LTBP1: variants seen among roughly 807,000 people sequenced by gnomAD.
LTBP1 encodes latent-transforming growth factor beta-binding protein 1.
In LTBP1, 129 loss-of-function variants were observed where a neutral mutation model predicts 207.6. The ratio of observed to expected loss-of-function variants is 0.62; its 90% CI spans 0.54 to 0.72. The LOEUF (loss-of-function observed/expected upper bound fraction) is 0.72, where lower values mean the gene tolerates loss of function less well. LTBP1 is among the 30% of genes least tolerant of loss of function. LTBP1 has a pLI of 0.00. For missense variants in LTBP1, 2,281 were observed against 2,217.2 expected, an observed-to-expected ratio of 1.03 and a Z score of -0.58; for synonymous variants, 963 against 833.7, an observed-to-expected ratio of 1.16 and a Z score of -2.67.
chr2:33,074,828 C>T (rs569779987), intron 3 of LTBP1, among the ~76,000 whole-genome samples: 2 of 150,646 alleles, frequency 1.3e-5, no homozygotes, highest in African/African-American at 4.9e-5. Flanking sequence ...CGAGATCGCA[C>T]CACTGCACTC....
chr2:33,030,460 A>T (rs2075641524), intron 3 of LTBP1, among the ~76,000 whole-genome samples: 1 of 152,148 alleles, frequency 6.6e-6, no homozygotes, highest in South Asian at 2.1e-4. Context: ...TGAAGGAGCT[A>T]AAAAAAATTC....
intron 5 of LTBP1, among the ~76,000 whole-genome samples, chr2:33,164,177 C>T (rs368240561): frequency 4.2e-4 from 63 of 151,050 alleles, no homozygotes; most frequent in African/African-American, 1.4e-3. Context: ...GGTGAAACCC[C>T]GTCTCTACTA....
At chr2:33,384,195 A>C (rs1306072469) in intron 31 of LTBP1, among the ~76,000 whole-genome samples, 1 of 152,196 alleles carries the variant, frequency 6.6e-6, no homozygotes, top group Non-Finnish European at 1.5e-5. Flanking sequence ...GATAATTTTT[A>C]AACCTTTTCT....
intron 3 of LTBP1, among the ~76,000 whole-genome samples, chr2:33,075,348 G>A (rs543376571): frequency 1.3e-5 from 2 of 152,070 alleles, no homozygotes; most frequent in East Asian, 3.9e-4. Context: ...TTTTTGGGGG[G>A]CAACATTTTC....
At chr2:32,995,268 A>G (rs1181130299) in intron 2 of LTBP1, among the ~76,000 whole-genome samples, 1 of 152,082 alleles carries the variant, frequency 6.6e-6, no homozygotes, top group Non-Finnish European at 1.5e-5. Context: ...TGGAGATGTT[A>G]TAGGGCAGTG....
intron 2 of LTBP1, among the ~76,000 whole-genome samples, chr2:32,972,128 T>TTTC (rs201880812): frequency 2.3e-4 from 35 of 149,478 alleles, no homozygotes; most frequent in South Asian, 6.3e-4. Context: ...TTTTTTTTTT[T>TTTC]CTGTGGATTC....
chr2:33,309,706 C>T, intron 23 of LTBP1, 150 bp downstream of exon 23: 1 of 872,376 alleles, frequency 1.1e-6, no homozygotes, highest in Non-Finnish European at 1.7e-6. Context: ...CTTGGGTCCA[C>T]ATCAAGTGCA....
At chr2:33,127,113 G>A (rs1375778488) in intron 4 of LTBP1, among the ~76,000 whole-genome samples, 1 of 152,096 alleles carries the variant, frequency 6.6e-6, no homozygotes, top group Non-Finnish European at 1.5e-5. Flanking sequence ...TGAAAGAATT[G>A]GAATCCCTTA....
intron 5 of LTBP1, among the ~76,000 whole-genome samples, chr2:33,144,890 T>C (rs184325085): frequency 9.2e-5 from 14 of 152,276 alleles, no homozygotes; most frequent in African/African-American, 2.9e-4. Flanking sequence ...GAAAGCTTCC[T>C]GGAACTAACA....
At chr2:33,301,855 G>A (rs1170080426) in intron 22 of LTBP1, among the ~76,000 whole-genome samples, 1 of 152,160 alleles carries the variant, frequency 6.6e-6, no homozygotes, top group Non-Finnish European at 1.5e-5. Flanking sequence ...CTGTCTTTTA[G>A]ACTTGTGCCA....
intron 4 of LTBP1, among the ~76,000 whole-genome samples, chr2:33,128,678 C>G (rs1558673470): frequency 1.3e-5 from 2 of 152,190 alleles, no homozygotes; most frequent in East Asian, 3.8e-4. Flanking sequence ...CCCAAAAACC[C>G]AGGGCAAACT....
chr2:32,956,673 C>T (rs1051025461), intron 2 of LTBP1, among the ~76,000 whole-genome samples: 3 of 152,286 alleles, frequency 2.0e-5, no homozygotes, highest in Admixed American at 6.5e-5. Flanking sequence ...AATCTCCTCC[C>T]GTAAATCATG....
intron 3 of LTBP1, among the ~76,000 whole-genome samples, chr2:33,038,105 A>C (rs1354729339): frequency 6.6e-6 from 1 of 152,162 alleles, no homozygotes; most frequent in East Asian, 1.9e-4. Context: ...CTACCCATTC[A>C]GGTTGCTTTT....
chr2:33,132,503 A>T (rs2081872594), intron 4 of LTBP1, among the ~76,000 whole-genome samples: 1 of 152,182 alleles, frequency 6.6e-6, no homozygotes, highest in Non-Finnish European at 1.5e-5. Flanking sequence ...GTTGAATAGG[A>T]ATAGAGTCCT....
At chr2:32,980,863 T>C (rs1259476059) in intron 2 of LTBP1, among the ~76,000 whole-genome samples, 1 of 152,184 alleles carries the variant, frequency 6.6e-6, no homozygotes, top group African/African-American at 2.4e-5. Context: ...TCTAGGGTAA[T>C]AGTGATTTTC....
At chr2:33,112,190 T>A (rs1046401397) in intron 4 of LTBP1, among the ~76,000 whole-genome samples, 2 of 152,164 alleles carry the variant, frequency 1.3e-5, no homozygotes, top group Admixed American at 6.5e-5. Context: ...CAGGAAAAGA[T>A]GGTTAGAGAA....
chr2:33,394,415 T>G (rs1380141161), intron 32 of LTBP1, among the ~76,000 whole-genome samples: 1 of 152,220 alleles, frequency 6.6e-6, no homozygotes, highest in Non-Finnish European at 1.5e-5. Flanking sequence ...ATTCTAGGGT[T>G]TTTATGGTTT....
At chr2:33,269,247 G>A (rs2093260998) in intron 15 of LTBP1, among the ~76,000 whole-genome samples, 1 of 152,170 alleles carries the variant, frequency 6.6e-6, no homozygotes, top group Non-Finnish European at 1.5e-5. Context: ...ATACCACACT[G>A]TTAAATCTAC....
At chr2:33,029,938 A>G (rs761818684) in intron 3 of LTBP1, among the ~76,000 whole-genome samples, 20 of 152,346 alleles carry the variant, frequency 1.3e-4, no homozygotes, top group Non-Finnish European at 2.9e-4. Context: ...CAACCTATTC[A>G]TTACAGTCAG....
Sources: allele counts gnomAD v4.1 joint callset (sites outside exome capture counted in the v4.1 genomes callset), GRCh38; gene constraint gnomAD v4.1.1; transcripts MANE v1.5; gene names NCBI Gene and HGNC (gene_info 2026-07-23, HGNC 2026-07-21).